FBXL2: variants seen among roughly 807,000 people sequenced by gnomAD.
The protein encoded by FBXL2 is F-box/LRR-repeat protein 2.
Under a neutral mutation model 69.2 loss-of-function variants are expected in FBXL2, and 38 were observed. The ratio of observed to expected loss-of-function variants is 0.55; its 90% CI spans 0.42 to 0.72. The LOEUF is 0.72. Among genes scored for constraint, FBXL2 ranks in the 30% least tolerant of loss-of-function variants. The pLI is 0.00. For synonymous variants in FBXL2, 192 were observed against 201.3 expected (o/e 0.95, Z 0.39); for missense variants, 354 against 520.3 (o/e 0.68, Z 3.11).
chr3:33,364,793 T>TA, intron 5 of FBXL2, 74 bp downstream of exon 5: 1 of 1,196,304 alleles, frequency 8.4e-7, no homozygotes, highest in Non-Finnish European at 1.2e-6. Flanking sequence ...CCAAGCCTAT[T>TA]ACATGCTCTT....
downstream of FBXL2, chr3:33,392,311 G>C (rs747115686): frequency 3.5e-5 from 14 of 394,678 alleles, no homozygotes; most frequent in Non-Finnish European, 5.8e-5. Flanking sequence ...CACGGTGTCT[G>C]ACACAAAGTG....
intron 1 of FBXL2, among the ~76,000 whole-genome samples, chr3:33,294,957 C>T (rs1481516116): frequency 1.3e-5 from 2 of 152,070 alleles, no homozygotes; most frequent in Non-Finnish European, 2.9e-5. Flanking sequence ...ACAGTAGGCA[C>T]TTACTAAATA....
the FBXL2 span, chr3:33,412,635 A>G: frequency 1.1e-6 from 1 of 895,266 alleles, no homozygotes; most frequent in Non-Finnish European, 1.8e-6. Flanking sequence ...TTCCCCACAC[A>G]AGTAATTCAT....
chr3:33,374,787 T>A lies in FBXL2; in HGVS notation c.658-501T>A, dbSNP rs535575715. On this transcript the variant is annotated intron_variant, in intron 9 of 14. Transcript: ENST00000484457. The stretch of plus-strand genomic sequence containing the variant: ...TCATAGAATTTAAGGTATTTATCAA[T>A]AATTTTGTGATTTATTTAATTTTCC... 4.3e-5 allele frequency among the ~76,000 whole-genome samples: 6 copies of A among 140,154 alleles called. 1 individual carries two copies. In the East Asian group the frequency reaches 7.4e-4, roughly 17 times the overall value. The allele number at this position is 140,154 out of a possible 152,430, so 91.9% of individuals were successfully genotyped here.
Position 33,297,800 on chromosome 3 carries a change from C to T in FBXL2, c.65+75C>T, listed in dbSNP as rs1300395063. 5.7e-6 allele frequency: 5 copies of T among 875,542 alleles called. No individual in the cohort carries two copies. In the African/African-American group the frequency reaches 8.4e-5, roughly 15 times the overall value. The allele number at this position is 875,542 out of a possible 1,614,324, so 54.2% of individuals were successfully genotyped here. A position where few individuals can be genotyped will look rare whatever the true frequency, so the allele number is the denominator to read the frequency against. On this transcript the variant is annotated intron_variant, in intron 2 of 14. Transcript: ENST00000484457. ...CAAGTTCCAAGACTATCTTCTTTCTCACTGTGAGTCCATAGCATAGAAAAA... is the reference window on the plus strand; with the variant it reads ...CAAGTTCCAAGACTATCTTCTTTCTTACTGTGAGTCCATAGCATAGAAAAA...
At chr3:33,328,759 A>C (rs1448259005) in intron 2 of FBXL2, among the ~76,000 whole-genome samples, 1 of 152,008 alleles carries the variant, frequency 6.6e-6, no homozygotes, top group Non-Finnish European at 1.5e-5. Flanking sequence ...AACATTGGGG[A>C]AACACTCCAG....
In FBXL2 at chr3:33,373,719, A is replaced by C; in HGVS notation, c.582+15A>C. 2 of 1,614,154 alleles carry C rather than the reference A, an allele frequency of 1.2e-6. No homozygotes were observed. The highest frequency in any genetic ancestry group is 1.7e-6 in the Non-Finnish European group (2 of 1,180,026). ...GCTGCACACAGGTACCAGAGGGTTG[A>C]TACAGCTGTTTGTGTTATGTGTCAG... On this transcript the variant is annotated intron_variant, in intron 8 of 14. Transcript: ENST00000484457.
intron 5 of FBXL2, 125 bp downstream of exon 5, chr3:33,364,844 A>G: frequency 1.2e-6 from 1 of 865,722 alleles, no homozygotes; most frequent in African/African-American, 1.7e-5. Context: ...GCATAGAGTA[A>G]TGAGAGGACC....
At chr3:33,300,710 C>CTTTTT (rs576599326) in intron 2 of FBXL2, 2 of 137,876 alleles carry the variant, frequency 1.5e-5, no homozygotes, top group Non-Finnish European at 3.2e-5. Flanking sequence ...GCTATGCTTT[C>CTTTTT]TTTTTTTTTT....
intron 1 of FBXL2, among the ~76,000 whole-genome samples, chr3:33,292,669 T>C (rs1359063073): frequency 6.6e-6 from 1 of 152,074 alleles, no homozygotes; most frequent in African/African-American, 2.4e-5. Flanking sequence ...TCCTTATTAG[T>C]AATTACTATA....
At chr3:33,300,264 C>T (rs897680831) in intron 2 of FBXL2, among the ~76,000 whole-genome samples, 1 of 151,638 alleles carries the variant, frequency 6.6e-6, no homozygotes, top group African/African-American at 2.4e-5. Context: ...TCTGTTGATA[C>T]CAAAAAAATA....
chr3:33,288,482 A>C (rs1361452187), intron 1 of FBXL2, among the ~76,000 whole-genome samples: 2 of 152,196 alleles, frequency 1.3e-5, no homozygotes, highest in African/African-American at 4.8e-5. Context: ...GTAGGGTTAG[A>C]GAGTGAATGA....
At chr3:33,306,218 C>T (rs78378172) in intron 2 of FBXL2, among the ~76,000 whole-genome samples, 2,560 of 152,062 alleles carry the variant, frequency 0.017, 62 homozygotes, top group African/African-American at 0.058. Flanking sequence ...ATATTTATCA[C>T]GTACCGCTTT....
chr3:33,368,066 A>G (rs953557169), intron 5 of FBXL2, among the ~76,000 whole-genome samples: 1 of 152,192 alleles, frequency 6.6e-6, no homozygotes, highest in Non-Finnish European at 1.5e-5. Flanking sequence ...TGATCACAGA[A>G]CATAGTTATA....
intron 13 of FBXL2, among the ~76,000 whole-genome samples, chr3:33,380,223 CA>C (rs71632598): frequency 0.017 from 1,146 of 69,170 alleles, 8 homozygotes; most frequent in African/African-American, 0.042. Context: ...GACTCTGTCT[CA>C]AAAAAAAAAA....
chr3:33,352,025 C>T (rs775075964), intron 2 of FBXL2, among the ~76,000 whole-genome samples: 1 of 149,896 alleles, frequency 6.7e-6, no homozygotes, highest in African/African-American at 2.5e-5. Flanking sequence ...CAGCACAGTA[C>T]TGAATAAGAA....
downstream of FBXL2, chr3:33,390,253 A>G: frequency 4.2e-6 from 6 of 1,432,038 alleles, no homozygotes; most frequent in Non-Finnish European, 5.8e-6. Flanking sequence ...TCCAATCCCA[A>G]GACTTCTTGG....
chr3:33,396,934 G>T, intron 12 of FBXL2: 1 of 949,442 alleles, frequency 1.1e-6, no homozygotes, highest in Non-Finnish European at 1.7e-6. Flanking sequence ...AATGCTCGAT[G>T]GCGCACACAG....
intron 2 of FBXL2, among the ~76,000 whole-genome samples, chr3:33,355,368 G>A (rs1025630702): frequency 6.6e-6 from 1 of 152,214 alleles, no homozygotes; most frequent in Admixed American, 6.5e-5. Flanking sequence ...AATGGATCAT[G>A]TTTCTGGATT....
Sources: allele counts gnomAD v4.1 joint callset (sites outside exome capture counted in the v4.1 genomes callset), GRCh38; gene constraint gnomAD v4.1.1; transcripts MANE v1.5; gene names NCBI Gene and HGNC (gene_info 2026-07-23, HGNC 2026-07-21).